IRAG2: variants seen among roughly 807,000 people sequenced by gnomAD.
IRAG2 encodes inositol 1,4,5-triphosphate receptor associated 2, also known as lymphoid restricted membrane protein.
IRAG2 carries 45 observed loss-of-function variants against 69.9 expected under a neutral mutation model. That is an observed-to-expected ratio of 0.64 (90% CI 0.51 to 0.83). The LOEUF (loss-of-function observed/expected upper bound fraction) is 0.83, where lower values mean the gene tolerates loss of function less well. Among genes scored for constraint, IRAG2 ranks in the 40% least tolerant of loss-of-function variants. The pLI is 0.00. For synonymous variants in IRAG2, 193 were observed against 202.4 expected (o/e 0.95, Z 0.40); for missense variants, 520 against 587.0 (o/e 0.89, Z 1.18).
At chr12:25,011,386 C>T (rs1021606165) in exon 3 of IRAG2, 1 of 1,231,658 alleles carries the variant, frequency 8.1e-7, no homozygotes, top group Non-Finnish European at 1.0e-6. Flanking sequence ...GTCGGAGTGG[C>T]CAAAATAATC....
upstream of IRAG2, among the ~76,000 whole-genome samples, chr12:25,048,976 A>G (rs986530147): frequency 6.6e-6 from 1 of 152,148 alleles, no homozygotes; most frequent in Non-Finnish European, 1.5e-5. Flanking sequence ...AATTTTCTGC[A>G]TGTAGCTAGC....
chr12:25,036,594 A>G (rs1217047357), exon 15 of IRAG2: 1 of 398,792 alleles, frequency 2.5e-6, no homozygotes, highest in East Asian at 3.6e-5. Context: ...GCACGAAGAA[A>G]TTTCTAAAAT....
At chr12:25,012,406 C>T (rs1342244255) in intron 3 of IRAG2, among the ~76,000 whole-genome samples, 2 of 151,836 alleles carry the variant, frequency 1.3e-5, no homozygotes, top group African/African-American at 4.8e-5. Context: ...CTGCCCACCT[C>T]GGCCTCCCAA....
At chr12:25,069,486 T>TCAGTATACCAATAC in intron 6 of IRAG2, 55 bp downstream of exon 6, 3 of 1,436,892 alleles carry the variant, frequency 2.1e-6, no homozygotes, top group Non-Finnish European at 2.9e-6. Context: ...ATCCTGTTCT[T>TCAGTATACCAATAC]CTTCTATGGG....
chr12:25,057,452 T>A (rs989931455), intron 1 of IRAG2, among the ~76,000 whole-genome samples: 3 of 151,414 alleles, frequency 2.0e-5, no homozygotes, highest in Non-Finnish European at 4.4e-5. Flanking sequence ...AGAGGTAGGA[T>A]CTTGCAGTGT....
rs888223021 is a variant in IRAG2 at position 25,062,715 on chromosome 12, C to T, written c.-384-105C>T. 2.5e-5 allele frequency: 10 copies of T among 396,276 alleles called. No individual in the cohort carries two copies. The Admixed American group carries it at 3.1e-4, about 12-fold the overall frequency. The allele number at this position is 396,276 out of a possible 1,614,324, so 24.5% of individuals were successfully genotyped here. A position where few individuals can be genotyped will look rare whatever the true frequency, so the allele number is the denominator to read the frequency against. On this transcript the variant is annotated intron_variant, in intron 2 of 21. Coordinates refer to ENST00000556887, the MANE Select transcript of IRAG2 (RefSeq NM_001366544.2). ...TACAAAAAGAACTTGTCAATTTCAC[C>T]CACTTTGGGTAGTGTCATATCTTCT...
At chr12:25,107,666 T>G in intron 21 of IRAG2, 151 bp from the exon 22 acceptor site, 2 of 696,084 alleles carry the variant, frequency 2.9e-6, no homozygotes, top group Non-Finnish European at 4.8e-6. Flanking sequence ...GCAGATTGTT[T>G]CCAAAACCAA....
chr12:25,049,712 T>TGGCCGGGC (rs1944825121), upstream of IRAG2, among the ~76,000 whole-genome samples: 1 of 151,988 alleles, frequency 6.6e-6, no homozygotes, highest in African/African-American at 2.4e-5. Flanking sequence ...GACGGCCGGA[T>TGGCCGGGC]GCGGTGGCTC....
intron 4 of IRAG2, among the ~76,000 whole-genome samples, chr12:25,064,752 A>G (rs1279170322): frequency 6.6e-6 from 1 of 152,204 alleles, no homozygotes; most frequent in Admixed American, 6.5e-5. Context: ...ATTACTTGCA[A>G]TAACTCAGTA....
intron 9 of IRAG2, among the ~76,000 whole-genome samples, chr12:25,081,151 G>GTCTCTC (rs10629974): frequency 1.3e-5 from 2 of 151,546 alleles, no homozygotes; most frequent in Non-Finnish European, 2.9e-5. Flanking sequence ...TGTGAATGTG[G>GTCTCTC]TCTCTCTCTC....
At chr12:25,099,677 T>G (rs1228057863) in intron 15 of IRAG2, among the ~76,000 whole-genome samples, 1 of 152,152 alleles carries the variant, frequency 6.6e-6, no homozygotes, top group African/African-American at 2.4e-5. Flanking sequence ...TCAGTTTACT[T>G]GGGGTAAAAC....
intron 10 of IRAG2, among the ~76,000 whole-genome samples, chr12:25,084,247 G>A (rs1297741039): frequency 3.9e-5 from 6 of 152,030 alleles, no homozygotes; most frequent in Non-Finnish European, 4.4e-5. Flanking sequence ...CAAATCTGCC[G>A]GGTATGGTGG....
Position 25,107,025 on chromosome 12 carries a change from C to A in IRAG2, c.1231C>A (p.Pro411Thr). The A allele has an allele frequency of 6.2e-7, 1 of 1,601,522 alleles. No homozygotes were observed. Among genetic ancestry groups the A allele is most frequent in the South Asian group, 1.1e-5 (1 of 89,940 alleles). ...KPSLSEKKNN[P>T]SKWDVSSVYD... ...AAGTCTTTCTGAAAAGAAAAATAAT[C>A]CATCAAAGTGGGATGTCTCTTCAGT... The change falls in exon 21 of 22, where the codon CCA becomes ACA. Residue 411 changes from proline to threonine, a missense_variant. Coordinates refer to ENST00000556887, the MANE Select transcript of IRAG2 (RefSeq NM_001366544.2).
At chr12:25,042,570 A>G (rs1401971705) in intron 16 of IRAG2, among the ~76,000 whole-genome samples, 2 of 151,840 alleles carry the variant, frequency 1.3e-5, no homozygotes, top group Non-Finnish European at 2.9e-5. Context: ...GGTTCAAGTG[A>G]TTCTCCTGCT....
intron 7 of IRAG2, chr12:25,021,176 C>T (rs892755099): frequency 5.4e-5 from 11 of 203,306 alleles, no homozygotes; most frequent in African/African-American, 2.6e-4. Flanking sequence ...AGGATCGTGG[C>T]TCACTCCAGC....
chr12:25,038,303 T>C (rs1403805065), intron 16 of IRAG2, among the ~76,000 whole-genome samples: 1 of 152,202 alleles, frequency 6.6e-6, no homozygotes, highest in Non-Finnish European at 1.5e-5. Context: ...TAAAATAGTA[T>C]GAAATTGACT....
At chr12:25,033,576 A>G (rs1944684548) in intron 12 of IRAG2, among the ~76,000 whole-genome samples, 1 of 152,224 alleles carries the variant, frequency 6.6e-6, no homozygotes, top group Admixed American at 6.5e-5. Context: ...CCAGAAATCC[A>G]GATTTTTAAG....
At chr12:25,036,896 G>A (rs1210458385) in intron 15 of IRAG2, among the ~76,000 whole-genome samples, 2 of 152,046 alleles carry the variant, frequency 1.3e-5, no homozygotes, top group African/African-American at 4.8e-5. Context: ...TATGTGAGAT[G>A]TGATGGAGAG....
At position 25,021,172 on chromosome 12, in the gene IRAG2, G is replaced by A. The variant is rs181852858; in HGVS notation, c.1332+265G>A. ...CAGGCTGGAGTGCAGTGGCAGGATCGTGGCTCACTCCAGCCTCGACCTCCC... is the reference window on the plus strand; with the variant it reads ...CAGGCTGGAGTGCAGTGGCAGGATCATGGCTCACTCCAGCCTCGACCTCCC... On this transcript the variant is annotated intron_variant, in intron 7 of 38. Transcript: ENST00000636465. 52 of 203,392 alleles carry A rather than the reference G, an allele frequency of 2.6e-4. No homozygotes were observed. In the Middle Eastern group the frequency reaches 6.5e-3, roughly 26 times the overall value. The allele number at this position is 203,392 out of a possible 1,614,324, so 12.6% of individuals were successfully genotyped here. A position where few individuals can be genotyped will look rare whatever the true frequency, so the allele number is the denominator to read the frequency against.
Sources: gnomAD v4.1 joint callset for allele counts (sites outside exome capture counted in the v4.1 genomes callset) on GRCh38, gnomAD v4.1.1 for gene constraint, MANE v1.5 for transcripts, NCBI Gene and HGNC (gene_info 2026-07-23, HGNC 2026-07-21) for gene names.